The following SCRN3 variants were observed in gnomAD, a reference collection of about 807,000 sequenced individuals.
SCRN3 encodes the protein secernin-3.
SCRN3 carries 39 observed loss-of-function variants against 43.1 expected under a neutral mutation model. The ratio of observed to expected loss-of-function variants is 0.91; its 90% confidence interval spans 0.70 to 1.18. The LOEUF (loss-of-function observed/expected upper bound fraction) is 1.18, where lower values mean the gene tolerates loss of function less well. Among genes scored for constraint, SCRN3 ranks in the 50% most tolerant of loss-of-function variants. SCRN3 has a pLI of 0.00. For synonymous variants in SCRN3, 147 were observed against 163.1 expected, an observed-to-expected ratio of 0.90 and a Z score of 0.75; for missense variants, 484 against 498.0, an observed-to-expected ratio of 0.97 and a Z score of 0.27.
At position 174,418,750 on chromosome 2, in the gene SCRN3, T is replaced by G. The variant is rs1686198124; in HGVS notation, c.755-4135T>G. On this transcript the variant is annotated intron_variant, in intron 5 of 7. Coordinates refer to ENST00000272732, the MANE Select transcript of SCRN3 (RefSeq NM_024583.5). ...TGAATCATTTTTAAGGCTCACTAGG[T>G]GTTGAAACTATGTGCCTGATATATA... is the stretch of plus-strand genomic sequence containing the variant. Among the ~76,000 whole-genome samples the G allele has an allele frequency of 2.6e-5, 4 of 152,336 alleles. No individual in the cohort carries two copies. The South Asian group carries it at 8.3e-4, about 32-fold the overall frequency.
intron 1 of SCRN3, 98 bp downstream of exon 1, chr2:174,395,915 C>T (rs1460508034): frequency 1.4e-6 from 2 of 1,415,916 alleles, no homozygotes; most frequent in Non-Finnish European, 1.8e-6. Context: ...GGCTCCGGAG[C>T]CCAGCTGCAC....
chr2:174,402,271 A>G (rs1266847702), intron 4 of SCRN3, among the ~76,000 whole-genome samples: 1 of 152,232 alleles, frequency 6.6e-6, no homozygotes, highest in African/African-American at 2.4e-5. Flanking sequence ...GGCCATCTAA[A>G]ATGAACACCT....
Position 174,427,900 on chromosome 2 carries a change from C to CAT in SCRN3, c.*8_*9dup. ...TCAGTCAAAGTTAGTTCTTAGTGATCATATGGTCAGCTAATATTAGTTCTT... is the reference window on the plus strand; with the variant it reads ...TCAGTCAAAGTTAGTTCTTAGTGATCATATATGGTCAGCTAATATTAGTTCTT... On this transcript the variant is annotated 3_prime_UTR_variant, in exon 8 of 8. Coordinates refer to ENST00000272732, the MANE Select transcript of SCRN3 (RefSeq NM_024583.5). 1 of 1,533,942 alleles carries CAT rather than the reference C, an allele frequency of 6.5e-7. No individual in the cohort carries two copies.
intron 4 of SCRN3, among the ~76,000 whole-genome samples, chr2:174,403,034 A>G (rs1050019625): frequency 1.3e-5 from 2 of 151,896 alleles, no homozygotes; most frequent in Non-Finnish European, 2.9e-5. Context: ...AAAAAAATTT[A>G]TAGAAAGGAC....
chr2:174,415,770 A>G (rs13029856), intron 5 of SCRN3, among the ~76,000 whole-genome samples: 31,126 of 152,062 alleles, frequency 0.2, 3,549 homozygotes, highest in Middle Eastern at 0.38. Flanking sequence ...TCAACCTCCC[A>G]AATAGCTGGG....
chr2:174,398,437 C>T lies in SCRN3; in HGVS notation c.154C>T (p.Leu52Phe). 1 of 1,591,066 alleles carries T rather than the reference C, an allele frequency of 6.3e-7. No individual in the cohort carries two copies. The highest frequency in any genetic ancestry group is 8.5e-7 in the Non-Finnish European group (1 of 1,173,106). The change falls in exon 2 of 8, where the codon CTT becomes TTT. Residue 52 changes from leucine to phenylalanine, a missense_variant. Transcript: ENST00000272732. ...AVVHDNLGER[L>F]KCTYIEIDQV... ...AGTTCATGATAACCTGGGAGAACGT[C>T]TTAAGGTAGGTGAAATAAATGTTTT... is the stretch of plus-strand genomic sequence containing the variant.
intron 5 of SCRN3, among the ~76,000 whole-genome samples, chr2:174,408,665 A>G (rs1347798067): frequency 1.8e-4 from 25 of 139,618 alleles, no homozygotes; most frequent in African/African-American, 6.2e-4. Context: ...TGGTGACAAA[A>G]TCGGTCAGCA....
intron 1 of SCRN3, 74 bp downstream of exon 1, chr2:174,395,891 C>G: frequency 7.0e-7 from 1 of 1,437,176 alleles, no homozygotes. Context: ...TGGCGCGGCA[C>G]TGCTTGACCG....
Position 174,428,004 on chromosome 2 carries a change from G to C in SCRN3, c.*109G>C. The C allele has an allele frequency of 1.5e-6, 1 of 685,240 alleles. No individual in the cohort carries two copies. The highest frequency in any genetic ancestry group is 2.4e-6 in the Non-Finnish European group (1 of 413,296). The allele number at this position is 685,240 out of a possible 1,614,324, so 42.4% of individuals were successfully genotyped here. A position where few individuals can be genotyped will look rare whatever the true frequency, so the allele number is the denominator to read the frequency against. Reference sequence around the variant, plus strand: ...ATATAAACCTAACTTGAGCAGATCTGATTATTCTTGGATAGTATTCAAGTG... The same window carrying C: ...ATATAAACCTAACTTGAGCAGATCTCATTATTCTTGGATAGTATTCAAGTG... On this transcript the variant is annotated 3_prime_UTR_variant, in exon 8 of 8. Coordinates refer to ENST00000272732, the MANE Select transcript of SCRN3 (RefSeq NM_024583.5).
intron 5 of SCRN3, among the ~76,000 whole-genome samples, chr2:174,411,869 C>T (rs1333933229): frequency 1.3e-5 from 2 of 152,008 alleles, no homozygotes; most frequent in South Asian, 2.1e-4. Context: ...TGCAATGAGC[C>T]GAGATTGCAC....
At chr2:174,426,771 CCAAAA>C (rs201684673) in intron 7 of SCRN3, among the ~76,000 whole-genome samples, 20 of 151,312 alleles carry the variant, frequency 1.3e-4, no homozygotes, top group African/African-American at 3.4e-4. Flanking sequence ...GACTCCATCT[CCAAAA>C]CAAAACAAAA....
rs376119642 is a variant in SCRN3, at chr2:174,424,540, C to T, written c.983C>T (p.Thr328Ile). 142 of 1,612,460 alleles carry T rather than the reference C, an allele frequency of 8.8e-5. 1 individual carries two copies. Among genetic ancestry groups the T allele is most frequent in the Non-Finnish European group, 1.2e-4 (136 of 1,178,676 alleles). The change falls in exon 7 of 8, where the codon ACA (threonine) becomes ATA (isoleucine). Residue 328 changes from threonine (T) to isoleucine (I), a missense_variant. By Grantham distance (89) the Thr-to-Ile change is moderately conservative. Transcript: ENST00000272732. ...CAACTATTGGATACCAGTTCACCAA[C>T]ATTTGAACTTGAAGATCTAGTTAAA... The part of the protein sequence containing the change: ...ISQLLDTSSP[T>I]FELEDLVKKK...
chr2:174,398,058 T>C, intron 1 of SCRN3: 1 of 273,712 alleles, frequency 3.7e-6, no homozygotes. Flanking sequence ...AGCCCAGGAG[T>C]TCCAGGCTGC....
At position 174,428,047 on chromosome 2, in the gene SCRN3, C is replaced by T; in HGVS notation, c.*152C>T. 1 of 481,208 alleles carries T rather than the reference C, an allele frequency of 2.1e-6. No individual in the cohort carries two copies. The highest frequency in any genetic ancestry group is 3.7e-6 in the Non-Finnish European group (1 of 268,428). 29.8% of individuals were successfully genotyped at this position (481,208 alleles called of 1,614,324 possible). A position where few individuals can be genotyped will look rare whatever the true frequency, so the allele number is the denominator to read the frequency against. ...TTCAAGTGGTATCTTGACTATTAAA[C>T]TACGTATAGTGTTGCTGAAATAGAA... is the stretch of plus-strand genomic sequence containing the variant. On this transcript the variant is annotated 3_prime_UTR_variant, in exon 8 of 8. Transcript: ENST00000272732.
intron 5 of SCRN3, chr2:174,410,198 T>G (rs1310077214): frequency 6.7e-6 from 1 of 150,196 alleles, no homozygotes; most frequent in Non-Finnish European, 1.5e-5. Flanking sequence ...AAGCGCAATA[T>G]TCGGGTGGGA....
intron 2 of SCRN3, among the ~76,000 whole-genome samples, chr2:174,398,986 A>C (rs1398810796): frequency 6.6e-6 from 1 of 152,208 alleles, no homozygotes; most frequent in Admixed American, 6.5e-5. Context: ...ATGACACATC[A>C]AAAAAGGTTT....
chr2:174,427,752 G>A lies in SCRN3; in HGVS notation c.1132G>A (p.Glu378Lys). ...KIMLDNMRKL[E>K]KELFREMESI... is the part of the protein sequence containing the mutation. ...AATGTTGGACAACATGAGGAAACTG[G>A]AGAAAGAACTATTCAGAGAGATGGA... Residue 378 changes from glutamate to lysine, a missense_variant, in exon 8 of 8, where the codon GAG (glutamate) becomes AAG (lysine). Glu to Lys is a moderately conservative substitution (Grantham distance 56). Coordinates refer to ENST00000272732, the MANE Select transcript of SCRN3 (RefSeq NM_024583.5). The A allele has an allele frequency of 1.2e-6, 2 of 1,607,092 alleles. No homozygotes were observed. Among genetic ancestry groups the A allele is most frequent in the African/African-American group, 1.3e-5 (1 of 74,742 alleles).
intron 7 of SCRN3, 138 bp downstream of exon 7, chr2:174,424,787 TAG>T: frequency 1.7e-6 from 1 of 593,290 alleles, no homozygotes; most frequent in Non-Finnish European, 2.9e-6. Flanking sequence ...CAGACTATAG[TAG>T]AGCTGTATTA....
intron 1 of SCRN3, chr2:174,397,412 A>G (rs1685362914): frequency 4.5e-6 from 4 of 883,784 alleles, no homozygotes; most frequent in South Asian, 1.0e-4. Context: ...GAGGTAATCT[A>G]GATATTAAAG....
Sources: gnomAD v4.1 joint callset for allele counts (sites outside exome capture counted in the v4.1 genomes callset) on GRCh38, gnomAD v4.1.1 for gene constraint, MANE v1.5 for transcripts, NCBI Gene and HGNC (gene_info 2026-07-23, HGNC 2026-07-21) for gene names.